CA10: variants seen among roughly 807,000 people sequenced by gnomAD.
CA10 encodes carbonic anhydrase 10 (inactive), also known as carbonic anhydrase-related protein 10.
A neutral mutation model predicts 44.2 loss-of-function variants in CA10; 14 were observed. The observed-to-expected ratio is 0.32, with a 90% CI of 0.21 to 0.50. The LOEUF is 0.50. CA10 is among the 20% of genes least tolerant of loss of function. The pLI, the probability that CA10 is intolerant of heterozygous loss-of-function variation, is 0.99. For synonymous variants in CA10, 159 were observed against 141.6 expected (o/e 1.12, Z -0.87); for missense variants, 350 against 409.7 (o/e 0.85, Z 1.26).
intron 1 of CA10, among the ~76,000 whole-genome samples, chr17:52,139,913 G>A (rs888075232): frequency 2.0e-5 from 3 of 152,170 alleles, no homozygotes; most frequent in Admixed American, 6.5e-5. Flanking sequence ...TGGGTGTTTG[G>A]AGTGAATTAA....
chr17:52,049,957 C>G (rs1398623048), intron 2 of CA10, among the ~76,000 whole-genome samples: 1 of 152,018 alleles, frequency 6.6e-6, no homozygotes, highest in Non-Finnish European at 1.5e-5. Flanking sequence ...GTATTCAGGA[C>G]AGCGATATAT....
chr17:51,720,324 G>C (rs1195847231), intron 4 of CA10, among the ~76,000 whole-genome samples: 1 of 152,156 alleles, frequency 6.6e-6, no homozygotes, highest in Non-Finnish European at 1.5e-5. Flanking sequence ...GCCTGAATAA[G>C]AGTATCTTTT....
At chr17:51,830,813 C>A (rs527243193) in intron 3 of CA10, among the ~76,000 whole-genome samples, 1 of 152,264 alleles carries the variant, frequency 6.6e-6, no homozygotes, top group Non-Finnish European at 1.5e-5. Flanking sequence ...TGCTCCATAT[C>A]TTCCCCATAT....
intron 4 of CA10, among the ~76,000 whole-genome samples, chr17:51,684,321 C>CT (rs1172075684): frequency 6.6e-6 from 1 of 152,200 alleles, no homozygotes; most frequent in African/African-American, 2.4e-5. Flanking sequence ...TTCTGACCTC[C>CT]AGAACTATAA....
chr17:51,958,580 A>G (rs1387300468), intron 2 of CA10, among the ~76,000 whole-genome samples: 1 of 152,144 alleles, frequency 6.6e-6, no homozygotes, highest in Non-Finnish European at 1.5e-5. Context: ...TTTCCTCAAT[A>G]TTGCGGTTCA....
At chr17:51,731,214 TA>T (rs1340298683) in intron 4 of CA10, among the ~76,000 whole-genome samples, 1 of 152,100 alleles carries the variant, frequency 6.6e-6, no homozygotes, top group Non-Finnish European at 1.5e-5. Flanking sequence ...CCATCTCTAC[TA>T]AAAATACAAA....
At chr17:51,969,306 T>C (rs1984193546) in intron 2 of CA10, among the ~76,000 whole-genome samples, 1 of 151,962 alleles carries the variant, frequency 6.6e-6, no homozygotes, top group Admixed American at 6.6e-5. Flanking sequence ...CCAGGTAAAA[T>C]AATGGTTCCT....
At chr17:51,787,285 C>T (rs1049636829) in intron 3 of CA10, among the ~76,000 whole-genome samples, 1 of 152,100 alleles carries the variant, frequency 6.6e-6, no homozygotes, top group Non-Finnish European at 1.5e-5. Context: ...TACTGGGAGA[C>T]TTTCAACTAT....
At chr17:51,657,512 C>G (rs1386868803) in intron 4 of CA10, among the ~76,000 whole-genome samples, 1 of 152,174 alleles carries the variant, frequency 6.6e-6, no homozygotes, top group Non-Finnish European at 1.5e-5. Context: ...GCTTCTCCTA[C>G]CATGACTTTG....
intron 2 of CA10, among the ~76,000 whole-genome samples, chr17:51,966,345 C>T (rs1304303033): frequency 6.6e-6 from 1 of 151,616 alleles, no homozygotes; most frequent in Non-Finnish European, 1.5e-5. Context: ...TTTCACAGAA[C>T]CAGAAAAAAC....
chr17:51,757,124 T>C (rs779442615), intron 3 of CA10, among the ~76,000 whole-genome samples: 5 of 152,190 alleles, frequency 3.3e-5, no homozygotes, highest in Non-Finnish European at 5.9e-5. Flanking sequence ...AGGCTTTCTT[T>C]GCAATGTAAT....
chr17:51,771,067 T>C (rs2143656594), intron 3 of CA10, among the ~76,000 whole-genome samples: 1 of 135,486 alleles, frequency 7.4e-6, no homozygotes, highest in Non-Finnish European at 1.5e-5. Context: ...GAGGTTGCAG[T>C]GAGCTGAGAT....
At chr17:51,876,161 T>A (rs12946749) in intron 3 of CA10, among the ~76,000 whole-genome samples, 1 of 10,234 alleles carries the variant, frequency 9.8e-5, no homozygotes, top group Non-Finnish European at 1.8e-4. Context: ...TCTTCTCTCG[T>A]TTTTTTTTTT....
At chr17:52,064,566 C>CT (rs5820903) in intron 2 of CA10, among the ~76,000 whole-genome samples, 44 of 148,850 alleles carry the variant, frequency 3.0e-4, no homozygotes, top group African/African-American at 1.0e-3. Flanking sequence ...AATCATGAGA[C>CT]TTTTTTTTTT....
intron 2 of CA10, among the ~76,000 whole-genome samples, chr17:51,990,660 T>C (rs557072413): frequency 6.6e-6 from 1 of 152,246 alleles, no homozygotes; most frequent in East Asian, 1.9e-4. Context: ...TCTAATTCCA[T>C]TTACATTTGC....
chr17:51,683,215 C>T (rs559291067), intron 4 of CA10, among the ~76,000 whole-genome samples: 2 of 152,266 alleles, frequency 1.3e-5, no homozygotes, highest in Admixed American at 6.5e-5. Context: ...AAGACACAGA[C>T]AAGATGGGTT....
intron 3 of CA10, among the ~76,000 whole-genome samples, chr17:51,861,013 C>T (rs903686719): frequency 1.3e-5 from 2 of 152,158 alleles, no homozygotes; most frequent in African/African-American, 4.8e-5. Context: ...ACCTTCCATG[C>T]CATTTATGAA....
chr17:52,018,612 T>G (rs906633209), intron 2 of CA10, among the ~76,000 whole-genome samples: 22 of 152,160 alleles, frequency 1.4e-4, no homozygotes, highest in Non-Finnish European at 2.5e-4. Flanking sequence ...AACTTATTTT[T>G]GATTTGACAA....
chr17:51,958,065 T>A (rs891838824), intron 2 of CA10, among the ~76,000 whole-genome samples: 2 of 152,106 alleles, frequency 1.3e-5, no homozygotes, highest in Non-Finnish European at 2.9e-5. Context: ...CTCATCTAAT[T>A]CATCTTTGTC....
Sources: gnomAD v4.1 joint callset for allele counts (sites outside exome capture counted in the v4.1 genomes callset) on GRCh38, gnomAD v4.1.1 for gene constraint, MANE v1.5 for transcripts, NCBI Gene and HGNC (gene_info 2026-07-23, HGNC 2026-07-21) for gene names.